PPP3CA: variants seen among roughly 807,000 people sequenced by gnomAD.
The protein encoded by PPP3CA is CAM-PRP catalytic subunit.
Under a neutral mutation model 66.5 loss-of-function variants are expected in PPP3CA, and 14 were observed. The observed-to-expected ratio is 0.21, with a 90% confidence interval of 0.14 to 0.33. The LOEUF (loss-of-function observed/expected upper bound fraction) is 0.33, where lower values mean the gene tolerates loss of function less well. PPP3CA is among the 10% of genes least tolerant of loss of function. PPP3CA has a pLI of 1.00. For missense variants in PPP3CA, 317 were observed against 639.5 expected, an observed-to-expected ratio of 0.50 and a Z score of 5.44; for synonymous variants, 232 against 226.2, an observed-to-expected ratio of 1.03 and a Z score of -0.23.
At chr4:101,149,478 T>C (rs1423517380) in intron 2 of PPP3CA, among the ~76,000 whole-genome samples, 2 of 152,154 alleles carry the variant, frequency 1.3e-5, no homozygotes, top group Non-Finnish European at 2.9e-5. Context: ...AGTCAAACAT[T>C]AATCTAAGTT....
chr4:101,238,647 G>A (rs1482055804), intron 1 of PPP3CA, among the ~76,000 whole-genome samples: 3 of 152,042 alleles, frequency 2.0e-5, no homozygotes. Context: ...ATATCTTAAA[G>A]AGATGGGATT....
chr4:101,294,146 G>A (rs964861397), intron 1 of PPP3CA, among the ~76,000 whole-genome samples: 1 of 152,180 alleles, frequency 6.6e-6, no homozygotes, highest in Non-Finnish European at 1.5e-5. Flanking sequence ...AGAAGAAGTG[G>A]AATGGAGATG....
chr4:101,079,721 C>T (rs551795879), intron 8 of PPP3CA, among the ~76,000 whole-genome samples: 5 of 152,314 alleles, frequency 3.3e-5, no homozygotes, highest in South Asian at 2.1e-4. Flanking sequence ...CATTTTATCA[C>T]GCATGTGACA....
chr4:101,243,075 A>C (rs1726364083), intron 1 of PPP3CA, among the ~76,000 whole-genome samples: 1 of 152,158 alleles, frequency 6.6e-6, no homozygotes, highest in African/African-American at 2.4e-5. Context: ...ATGACTCAAA[A>C]CCAGAGGAAA....
intron 2 of PPP3CA, among the ~76,000 whole-genome samples, chr4:101,175,293 C>T (rs1034256580): frequency 3.9e-5 from 6 of 152,112 alleles, no homozygotes; most frequent in African/African-American, 1.4e-4. Flanking sequence ...TAGGGGCTGA[C>T]CTGTGGTAGA....
At chr4:101,224,656 G>A (rs971285660) in intron 1 of PPP3CA, among the ~76,000 whole-genome samples, 1 of 151,780 alleles carries the variant, frequency 6.6e-6, no homozygotes, top group Admixed American at 6.6e-5. Flanking sequence ...TAGCTAATTT[G>A]AGGTATGTGT....
intron 2 of PPP3CA, among the ~76,000 whole-genome samples, chr4:101,120,441 C>A (rs952796751): frequency 6.6e-6 from 1 of 151,954 alleles, no homozygotes; most frequent in Non-Finnish European, 1.5e-5. Flanking sequence ...GAAACTCCTA[C>A]GGGTTTAGGC....
chr4:101,040,618 T>A, intron 10 of PPP3CA, 52 bp from the exon 11 acceptor site: 1 of 1,472,866 alleles, frequency 6.8e-7, no homozygotes, highest in Non-Finnish European at 9.4e-7. Context: ...CTAATTGTAA[T>A]TGATTTTACA....
chr4:101,339,151 A>C (rs1729729139), intron 1 of PPP3CA, among the ~76,000 whole-genome samples: 1 of 152,216 alleles, frequency 6.6e-6, no homozygotes, highest in East Asian at 1.9e-4. Flanking sequence ...ATGTTGGAGA[A>C]GGCAGCATTT....
intron 2 of PPP3CA, among the ~76,000 whole-genome samples, chr4:101,149,532 T>C (rs567210052): frequency 3.2e-4 from 48 of 152,234 alleles, no homozygotes; most frequent in African/African-American, 1.1e-3. Flanking sequence ...ACCAAAACAA[T>C]GGCAATGTTT....
chr4:101,320,121 A>G (rs1246206798), intron 1 of PPP3CA, among the ~76,000 whole-genome samples: 1 of 152,154 alleles, frequency 6.6e-6, no homozygotes, highest in Non-Finnish European at 1.5e-5. Context: ...TCTATCTTAT[A>G]GAAACAACTA....
chr4:101,063,420 T>G, intron 8 of PPP3CA, 63 bp from the exon 9 acceptor site: 2 of 1,520,126 alleles, frequency 1.3e-6, no homozygotes, highest in South Asian at 2.7e-5. Flanking sequence ...ATGTATGGCT[T>G]TAGCTCATCA....
intron 7 of PPP3CA, among the ~76,000 whole-genome samples, chr4:101,082,598 A>C (rs1344938148): frequency 2.0e-5 from 3 of 152,172 alleles, no homozygotes; most frequent in Middle Eastern, 3.2e-3. Context: ...TAAACCTCCA[A>C]AATTGTTCTA....
rs927189201 is a variant in PPP3CA, at chr4:101,085,837, C to T, written c.783-2574G>A. 1.4e-4 allele frequency among the ~76,000 whole-genome samples: 20 copies of T among 141,878 alleles called. No homozygotes were observed. In the East Asian group the frequency reaches 2.4e-3, roughly 17 times the overall value. 93.1% of individuals were successfully genotyped at this position (141,878 alleles called of 152,430 possible). On this transcript the variant is annotated intron_variant, in intron 6 of 13. Transcript: ENST00000394854. ...CAAGCTGAAAAGCACTGCGTATATA[C>T]ACACACACACACACACACACAGAGA...
intron 2 of PPP3CA, among the ~76,000 whole-genome samples, chr4:101,173,876 C>A (rs748219404): frequency 1.8e-4 from 27 of 151,982 alleles, no homozygotes; most frequent in Non-Finnish European, 2.8e-4. Context: ...CAGAGCAAGA[C>A]CTTGTCTCAA....
rs200906655 is a variant in PPP3CA, at chr4:101,106,457, A to G, written c.384+2497T>C. Among the ~76,000 whole-genome samples, 4 of 6,924 alleles carry G rather than the reference A, an allele frequency of 5.8e-4. 1 individual carries two copies. The highest frequency in any genetic ancestry group is 7.1e-3 in the East Asian group (2 of 280). 4.5% of individuals were successfully genotyped at this position (6,924 alleles called of 152,430 possible). On this transcript the variant is annotated intron_variant, in intron 3 of 13. Transcript: ENST00000394854. The stretch of plus-strand genomic sequence containing the variant: ...AGAAAGAAAGAAAGAAAGAAAGAGA[A>G]AAGAAAAGAAAAGAAAAGAAAAGAA...
At chr4:101,212,586 C>A (rs897536018) in intron 1 of PPP3CA, among the ~76,000 whole-genome samples, 57 of 152,184 alleles carry the variant, frequency 3.7e-4, no homozygotes, top group African/African-American at 1.3e-3. Context: ...CGTAACAAAC[C>A]TATGCATCCT....
chr4:101,032,726 T>TAAG (rs1021773549), intron 11 of PPP3CA, among the ~76,000 whole-genome samples: 5 of 152,120 alleles, frequency 3.3e-5, no homozygotes, highest in African/African-American at 1.2e-4. Context: ...ATGCTGATGT[T>TAAG]AAGTTTTTCA....
chr4:101,054,598 T>C (rs1728149440), intron 10 of PPP3CA, among the ~76,000 whole-genome samples: 1 of 152,078 alleles, frequency 6.6e-6, no homozygotes, highest in South Asian at 2.1e-4. Context: ...ACAACATTAG[T>C]CACACTAATT....
Sources: gnomAD v4.1 joint callset for allele counts (sites outside exome capture counted in the v4.1 genomes callset) on GRCh38, gnomAD v4.1.1 for gene constraint, MANE v1.5 for transcripts, NCBI Gene and HGNC (gene_info 2026-07-23, HGNC 2026-07-21) for gene names.